The following SDHAF2 variants were observed in gnomAD, a reference collection of about 807,000 sequenced individuals.
SDHAF2 encodes the protein succinate dehydrogenase complex assembly factor 2, also known as succinate dehydrogenase assembly factor 2, mitochondrial.
In SDHAF2, 21 loss-of-function variants were observed where a neutral mutation model predicts 18.5. The observed-to-expected ratio is 1.13, with a 90% CI of 0.80 to 1.63. The LOEUF (loss-of-function observed/expected upper bound fraction) is 1.63. Among genes scored for constraint, SDHAF2 ranks in the 40% most tolerant of loss-of-function variants. SDHAF2 has a pLI of 0.00. For missense variants in SDHAF2, 195 were observed against 200.3 expected (o/e 0.97, Z 0.16); for synonymous variants, 84 against 70.7 (o/e 1.19, Z -0.94).
intron 3 of SDHAF2, among the ~76,000 whole-genome samples, chr11:61,442,826 T>C (rs181583326): frequency 1.3e-5 from 2 of 152,352 alleles, no homozygotes; most frequent in African/African-American, 2.4e-5. Flanking sequence ...CAATCTTGGC[T>C]CACTACAACC....
intron 1 of SDHAF2, 26 bp from the exon 2 acceptor site, chr11:61,437,599 A>G (rs1037283346): frequency 1.7e-5 from 27 of 1,560,382 alleles, no homozygotes; most frequent in Non-Finnish European, 2.3e-5. Context: ...ATTATTGTAA[A>G]GATGTTTGTG....
At chr11:61,445,284 C>T (rs779894165) in intron 3 of SDHAF2, among the ~76,000 whole-genome samples, 1 of 152,186 alleles carries the variant, frequency 6.6e-6, no homozygotes, top group East Asian at 1.9e-4. Context: ...CTGCCAGACC[C>T]ACTGCCGTAG....
chr11:61,434,857 G>A (rs916807439), intron 1 of SDHAF2: 30 of 150,694 alleles, frequency 2.0e-4, no homozygotes, highest in Middle Eastern at 3.4e-3. Flanking sequence ...AGGCCTCCCA[G>A]GTAGCTGGGA....
intron 3 of SDHAF2, among the ~76,000 whole-genome samples, chr11:61,443,431 G>A (rs1862094228): frequency 6.6e-6 from 1 of 152,132 alleles, no homozygotes. Context: ...CCTTGACAGT[G>A]TGTTGTTTTT....
At position 61,438,090 on chromosome 11, in the gene SDHAF2, G is replaced by T; in HGVS notation, c.347G>T (p.Trp116Leu). ...CTGATTAACGAGCCTAGTAATGACT[G>T]GGATATTTACTACTGGGCCACAGGT... ...DRLINEPSND[W>L]DIYYWATEAK... The change falls in exon 3 of 4, where the codon TGG becomes TTG. Residue 116 changes from tryptophan (W) to leucine (L), a missense_variant. Coordinates refer to ENST00000301761, the MANE Select transcript of SDHAF2 (RefSeq NM_017841.4). 1 of 1,613,460 alleles carries T rather than the reference G, an allele frequency of 6.2e-7. No homozygotes were observed. The highest frequency in any genetic ancestry group is 1.1e-5 in the South Asian group (1 of 91,068).
At chr11:61,442,337 T>C (rs1387866486) in intron 3 of SDHAF2, among the ~76,000 whole-genome samples, 3 of 152,216 alleles carry the variant, frequency 2.0e-5, no homozygotes, top group Non-Finnish European at 4.4e-5. Context: ...GTTTGGACTT[T>C]GGTTTTGCTC....
intron 1 of SDHAF2, chr11:61,436,721 G>C (rs1861998773): frequency 2.2e-6 from 1 of 457,464 alleles, no homozygotes; most frequent in African/African-American, 2.0e-5. Flanking sequence ...TGCTCACCTG[G>C]GGAGCAGGAG....
At chr11:61,437,028 T>C in intron 1 of SDHAF2, 1 of 1,170,268 alleles carries the variant, frequency 8.5e-7, no homozygotes, top group Non-Finnish European at 1.1e-6. Flanking sequence ...AAAAATTATT[T>C]CTGCTGGGAT....
At chr11:61,438,302 C>T (rs767602594) in intron 3 of SDHAF2, 189 bp downstream of exon 3, 16 of 634,414 alleles carry the variant, frequency 2.5e-5, no homozygotes, top group Admixed American at 1.3e-4. Flanking sequence ...CAGGTTCAAG[C>T]GATTCTCCAG....
Position 61,438,058 on chromosome 11 carries a change from T to A in SDHAF2, c.315T>A (p.Tyr105Ter), listed in dbSNP as rs750979204. 2.5e-6 allele frequency: 4 copies of A among 1,614,150 alleles called. No individual in the cohort carries two copies. Among genetic ancestry groups the A allele is most frequent in the Non-Finnish European group, 2.5e-6 (3 of 1,180,026 alleles). The change falls in exon 3 of 4, where the codon TAT becomes TAA. Residue 105 changes from tyrosine (Y) to a stop codon, truncating the protein, a stop_gained. Coordinates refer to ENST00000301761, the MANE Select transcript of SDHAF2 (RefSeq NM_017841.4). LOFTEE classifies it high-confidence loss of function. ...QHMTEKQLNLYDRLINEPSND... is the reference protein window; with the variant it reads ...QHMTEKQLNL ...TGACAGAAAAGCAGCTGAACCTCTATGACCGCCTGATTAACGAGCCTAGTA... is the reference window on the plus strand; with the variant it reads ...TGACAGAAAAGCAGCTGAACCTCTAAGACCGCCTGATTAACGAGCCTAGTA...
intron 3 of SDHAF2, 123 bp from the exon 4 acceptor site, chr11:61,445,818 A>G (rs1428532765): frequency 5.2e-6 from 6 of 1,145,634 alleles, no homozygotes; most frequent in Non-Finnish European, 7.8e-6. Context: ...TATTTAGAAG[A>G]AGGATGGAGA....
chr11:61,430,656 C>CT (rs1861868319), intron 1 of SDHAF2: 1 of 176,154 alleles, frequency 5.7e-6, no homozygotes, highest in African/African-American at 2.4e-5. Flanking sequence ...CACCTCAAAT[C>CT]TTTATCATTT....
intron 1 of SDHAF2, chr11:61,435,441 C>T (rs937028575): frequency 6.6e-6 from 1 of 151,962 alleles, no homozygotes; most frequent in Admixed American, 6.6e-5. Flanking sequence ...ACCATGTTTT[C>T]CTCTTTATTC....
chr11:61,434,595 T>TTTTTTTTTTTTTTTTTTTTTTTTTTTTTC (rs1441349588), intron 1 of SDHAF2: 1 of 143,494 alleles, frequency 7.0e-6, no homozygotes, highest in African/African-American at 3.0e-5. Context: ...TCATTCCTTT[T>TTTTTTTTTTTTTTTTTTTTTTTTTTTTTC]TTTTTTTTTT....
chr11:61,444,009 G>C (rs938667811), intron 3 of SDHAF2: 1 of 152,424 alleles, frequency 6.6e-6, no homozygotes, highest in Non-Finnish European at 1.5e-5. Flanking sequence ...TCCTGACCTC[G>C]TGATCCACCC....
intron 1 of SDHAF2, chr11:61,436,742 G>A (rs1249665543): frequency 1.8e-6 from 1 of 549,776 alleles, no homozygotes; most frequent in Non-Finnish European, 3.1e-6. Context: ...CCTCTTACTG[G>A]TTTCTGGATT....
At chr11:61,430,347 T>C (rs1861850909) in intron 1 of SDHAF2, 165 bp downstream of exon 1, 4 of 807,876 alleles carry the variant, frequency 5.0e-6, no homozygotes, top group Admixed American at 4.4e-5. Flanking sequence ...TAAAGGTCGC[T>C]TCCATTCTTT....
chr11:61,430,304 C>G, intron 1 of SDHAF2, 122 bp downstream of exon 1: 1 of 1,288,910 alleles, frequency 7.8e-7, no homozygotes, highest in Non-Finnish European at 1.1e-6. Context: ...CAAGGGCAGG[C>G]CCAGGGAGAG....
chr11:61,439,838 T>G (rs2943805), intron 3 of SDHAF2, among the ~76,000 whole-genome samples: 128,149 of 152,216 alleles, frequency 0.84, 54,103 homozygotes, highest in East Asian at 0.98. Flanking sequence ...CTGTTCATCT[T>G]TTGACCAGCT....
Sources: gnomAD v4.1 joint callset for allele counts (sites outside exome capture counted in the v4.1 genomes callset) on GRCh38, gnomAD v4.1.1 for gene constraint, MANE v1.5 for transcripts, NCBI Gene and HGNC (gene_info 2026-07-23, HGNC 2026-07-21) for gene names.